Variants in TINAG observed in about 807,000 individuals in gnomAD.
The protein encoded by TINAG is tubulointerstitial nephritis antigen.
TINAG carries 83 observed loss-of-function variants against 72.7 expected under a neutral mutation model. That is an observed-to-expected ratio of 1.14 (90% CI 0.96 to 1.37). The LOEUF (loss-of-function observed/expected upper bound fraction) is 1.37. Among genes scored for constraint, TINAG ranks in the 40% most tolerant of loss-of-function variants. TINAG has a pLI of 0.00. For synonymous variants in TINAG, 234 were observed against 189.9 expected (o/e 1.23, Z -1.91); for missense variants, 685 against 576.6 (o/e 1.19, Z -1.93).
intron 10 of TINAG, 63 bp from the exon 11 acceptor site, chr6:54,389,728 G>A (rs1764193542): frequency 6.5e-7 from 1 of 1,534,830 alleles, no homozygotes; most frequent in Admixed American, 2.3e-5. Flanking sequence ...AGTTCTCCAT[G>A]GCTTTTTTTA....
chr6:54,328,377 G>T (rs1784657796), intron 4 of TINAG, among the ~76,000 whole-genome samples: 2 of 152,118 alleles, frequency 1.3e-5, no homozygotes, highest in Admixed American at 6.5e-5. Flanking sequence ...CAGGAGAGGG[G>T]CCTGACTGGG....
At chr6:54,371,109 A>AGT (rs1763590062) in intron 9 of TINAG, among the ~76,000 whole-genome samples, 1 of 104,872 alleles carries the variant, frequency 9.5e-6, no homozygotes, top group Non-Finnish European at 2.2e-5. Context: ...ACTTACGAAA[A>AGT]CTGTGTGTGT....
intron 1 of TINAG, among the ~76,000 whole-genome samples, chr6:54,311,151 T>G (rs1168897718): frequency 6.6e-6 from 1 of 152,186 alleles, no homozygotes; most frequent in East Asian, 1.9e-4. Flanking sequence ...CATATTATGC[T>G]ACAGACCTCA....
chr6:54,310,839 C>G (rs142670394), intron 1 of TINAG, among the ~76,000 whole-genome samples: 2 of 131,054 alleles, frequency 1.5e-5, no homozygotes, highest in South Asian at 2.4e-4. Flanking sequence ...TTTCTTTTTT[C>G]TCTCTCTCTT....
At chr6:54,330,490 A>C (rs940601068) in intron 4 of TINAG, among the ~76,000 whole-genome samples, 5 of 152,216 alleles carry the variant, frequency 3.3e-5, no homozygotes, top group Non-Finnish European at 4.4e-5. Flanking sequence ...TGTAATGTCC[A>C]CTGGATAAAA....
chr6:54,310,076 CGTGT>C (rs138971244), intron 1 of TINAG, among the ~76,000 whole-genome samples: 38 of 127,726 alleles, frequency 3.0e-4, no homozygotes, highest in African/African-American at 6.5e-4. Context: ...CTTTTTTTTC[CGTGT>C]GTGTGTGTGT....
At chr6:54,374,447 A>G (rs1333793462) in intron 9 of TINAG, among the ~76,000 whole-genome samples, 2 of 152,078 alleles carry the variant, frequency 1.3e-5, no homozygotes. Flanking sequence ...TTTCCTGTGG[A>G]GTCTGTTTCT....
At chr6:54,375,736 G>A (rs1763760010) in intron 9 of TINAG, among the ~76,000 whole-genome samples, 2 of 152,038 alleles carry the variant, frequency 1.3e-5, no homozygotes, top group African/African-American at 2.4e-5. Flanking sequence ...AACAAACAAC[G>A]TTACTTTATG....
At chr6:54,348,417 A>T (rs1351572633) in intron 6 of TINAG, among the ~76,000 whole-genome samples, 3 of 152,054 alleles carry the variant, frequency 2.0e-5, no homozygotes, top group African/African-American at 7.2e-5. Flanking sequence ...TTGAGACCTG[A>T]CTAAATCTCA....
At chr6:54,359,592 G>C (rs1160088201) in intron 9 of TINAG, among the ~76,000 whole-genome samples, 1 of 151,662 alleles carries the variant, frequency 6.6e-6, no homozygotes, top group Non-Finnish European at 1.5e-5. Flanking sequence ...ATTCACATTT[G>C]GTGTGTCAGT....
intron 8 of TINAG, 60 bp from the exon 9 acceptor site, chr6:54,354,453 G>T: frequency 1.4e-6 from 2 of 1,475,702 alleles, no homozygotes; most frequent in Non-Finnish European, 1.8e-6. Context: ...AAATTTTCTG[G>T]TGGTTTTTAA....
At chr6:54,359,071 T>A (rs1026099567) in intron 9 of TINAG, among the ~76,000 whole-genome samples, 5 of 151,858 alleles carry the variant, frequency 3.3e-5, no homozygotes, top group African/African-American at 9.7e-5. Context: ...AACAAAGTTG[T>A]GTTTTGAAAT....
chr6:54,363,066 TG>T (rs1392102007), intron 9 of TINAG, among the ~76,000 whole-genome samples: 4 of 151,574 alleles, frequency 2.6e-5, no homozygotes, highest in African/African-American at 9.7e-5. Flanking sequence ...CTGGGATTTA[TG>T]GGTTGTATAG....
intron 9 of TINAG, among the ~76,000 whole-genome samples, chr6:54,369,010 T>A (rs1413161734): frequency 2.6e-5 from 4 of 151,882 alleles, no homozygotes; most frequent in African/African-American, 9.7e-5. Flanking sequence ...TTTACTGTTT[T>A]CTGATCATAA....
chr6:54,348,029 T>G (rs1785167395), intron 6 of TINAG, among the ~76,000 whole-genome samples: 1 of 152,148 alleles, frequency 6.6e-6, no homozygotes, highest in African/African-American at 2.4e-5. Flanking sequence ...CTTACTTTCA[T>G]GTAGGCTGAT....
At chr6:54,343,536 T>G (rs1409764039) in intron 5 of TINAG, among the ~76,000 whole-genome samples, 187 bp downstream of exon 5, 1 of 151,554 alleles carries the variant, frequency 6.6e-6, no homozygotes, top group African/African-American at 2.4e-5. Context: ...TCTAAAAGTT[T>G]TTTTTTTTTA....
At chr6:54,338,636 A>T (rs568772753) in intron 4 of TINAG, among the ~76,000 whole-genome samples, 1 of 150,364 alleles carries the variant, frequency 6.7e-6, no homozygotes, top group Non-Finnish European at 1.5e-5. Context: ...AGGCAGGAGA[A>T]TCATTTGAAA....
At position 54,389,878 on chromosome 6, in the gene TINAG, T is replaced by A. The variant is rs754471867; in HGVS notation, c.1384T>A (p.Leu462Met). 1.2e-6 allele frequency: 2 copies of A among 1,611,164 alleles called. No homozygotes were observed. The highest frequency in any genetic ancestry group is 4.5e-5 in the East Asian group (2 of 44,718). ...AGTAAATGAGTCCGACATTGAAAAG[T>A]TGATTATCGCAGCTTGGGGCCAACT... ...RGVNESDIEK[L>M]IIAAWGQLTS... is the part of the protein sequence containing the mutation. The change falls in exon 11 of 11, where the codon TTG becomes ATG. Residue 462 changes from leucine (L) to methionine (M), a missense_variant. Leu to Met is a conservative substitution (Grantham distance 15). Coordinates refer to ENST00000259782, the MANE Select transcript of TINAG (RefSeq NM_014464.4).
At chr6:54,383,937 A>G (rs985672920) in intron 10 of TINAG, among the ~76,000 whole-genome samples, 2 of 152,184 alleles carry the variant, frequency 1.3e-5, no homozygotes, top group Non-Finnish European at 2.9e-5. Flanking sequence ...ACAATAGCAA[A>G]AACTTGGAAC....
Sources: allele counts gnomAD v4.1 joint callset (sites outside exome capture counted in the v4.1 genomes callset), GRCh38; gene constraint gnomAD v4.1.1; transcripts MANE v1.5; gene names NCBI Gene and HGNC (gene_info 2026-07-23, HGNC 2026-07-21).